Variants in SGCZ observed in about 807,000 individuals in gnomAD.
SGCZ encodes the protein sarcoglycan zeta, also known as zeta-sarcoglycan.
SGCZ carries 40 observed loss-of-function variants against 41.3 expected under a neutral mutation model. The ratio of observed to expected loss-of-function variants is 0.97; its 90% CI spans 0.75 to 1.26. The LOEUF (loss-of-function observed/expected upper bound fraction) is 1.26. Ranked by LOEUF, SGCZ falls within the 50% of genes most tolerant of loss-of-function variation. The probability of loss-of-function intolerance (pLI) is 0.00; values close to 1 mark genes in which losing one functional copy is unlikely to be tolerated. For missense variants in SGCZ, 552 were observed against 369.8 expected (o/e 1.49, Z -4.04); for synonymous variants, 206 against 137.5 (o/e 1.50, Z -3.49).
intron 2 of SGCZ, among the ~76,000 whole-genome samples, chr8:14,386,697 G>C (rs1277892359): frequency 6.6e-6 from 1 of 152,044 alleles, no homozygotes; most frequent in Non-Finnish European, 1.5e-5. Context: ...TTATAGAAAT[G>C]GGCTGCCAGA....
rs530073523 is a variant in SGCZ at position 14,764,780 on chromosome 8, T to C, written c.40-209854A>G. 2.0e-5 allele frequency among the ~76,000 whole-genome samples: 3 copies of C among 152,306 alleles called. No individual in the cohort carries two copies. The South Asian group carries it at 6.2e-4, about 32-fold the overall frequency. On this transcript the variant is annotated intron_variant, in intron 1 of 7. Transcript: ENST00000382080. ...ACTTAAATATGGTCTAAAAATTAAA[T>C]AATATTGAGGCAATGCTACATATTG... is the stretch of plus-strand genomic sequence containing the variant.
intron 1 of SGCZ, among the ~76,000 whole-genome samples, chr8:14,834,139 T>C (rs1216655086): frequency 1.3e-5 from 2 of 152,208 alleles, no homozygotes; most frequent in Non-Finnish European, 2.9e-5. Flanking sequence ...TGATTCTCAC[T>C]ATGTCATTGT....
At chr8:14,770,469 T>A (rs916290782) in intron 1 of SGCZ, among the ~76,000 whole-genome samples, 4 of 151,786 alleles carry the variant, frequency 2.6e-5, no homozygotes, top group Non-Finnish European at 5.9e-5. Flanking sequence ...AACTCATGTA[T>A]GATTGCCATA....
At chr8:14,387,567 G>A (rs1804620129) in intron 2 of SGCZ, among the ~76,000 whole-genome samples, 1 of 151,740 alleles carries the variant, frequency 6.6e-6, no homozygotes, top group Non-Finnish European at 1.5e-5. Context: ...CTGCTTTTAA[G>A]GTTTTTAAAT....
intron 1 of SGCZ, among the ~76,000 whole-genome samples, chr8:14,766,654 C>G (rs1800044189): frequency 6.6e-6 from 1 of 151,760 alleles, no homozygotes; most frequent in Non-Finnish European, 1.5e-5. Flanking sequence ...TTCCACCTCC[C>G]AGGCTCAAGC....
intron 1 of SGCZ, among the ~76,000 whole-genome samples, chr8:14,768,473 C>A (rs953688545): frequency 4.6e-5 from 7 of 152,172 alleles, no homozygotes; most frequent in Admixed American, 6.5e-5. Flanking sequence ...AAAGATTTTA[C>A]AAATTTACTT....
chr8:15,095,604 T>C (rs1049171191), intron 1 of SGCZ, among the ~76,000 whole-genome samples: 13 of 152,134 alleles, frequency 8.5e-5, no homozygotes, highest in African/African-American at 2.7e-4. Context: ...TTTTTTTTTA[T>C]GGAAAAGAAA....
intron 2 of SGCZ, among the ~76,000 whole-genome samples, chr8:14,420,348 A>G (rs1044880840): frequency 6.6e-6 from 1 of 152,072 alleles, no homozygotes; most frequent in East Asian, 1.9e-4. Flanking sequence ...AATTATTGCT[A>G]TTCACAATTG....
At chr8:14,668,981 T>A (rs1301595698) in intron 1 of SGCZ, among the ~76,000 whole-genome samples, 1 of 151,892 alleles carries the variant, frequency 6.6e-6, no homozygotes, top group African/African-American at 2.4e-5. Context: ...TCTACTCTCA[T>A]AGAAAATTTC....
At chr8:15,017,491 C>G (rs1178725045) in intron 1 of SGCZ, among the ~76,000 whole-genome samples, 2 of 152,112 alleles carry the variant, frequency 1.3e-5, no homozygotes, top group Non-Finnish European at 2.9e-5. Flanking sequence ...TAGGTCCAAA[C>G]TGATATTAGC....
chr8:14,985,163 T>C (rs1035765219), intron 1 of SGCZ, among the ~76,000 whole-genome samples: 1 of 152,184 alleles, frequency 6.6e-6, no homozygotes, highest in Non-Finnish European at 1.5e-5. Flanking sequence ...ATGCTTATTG[T>C]TGTCTCCCTT....
intron 1 of SGCZ, among the ~76,000 whole-genome samples, chr8:14,831,971 G>C (rs990944156): frequency 6.6e-6 from 1 of 152,018 alleles, no homozygotes; most frequent in African/African-American, 2.4e-5. Context: ...TAAAAGAATA[G>C]CTGTGTTATG....
chr8:14,252,579 C>G (rs1311790978), intron 3 of SGCZ, among the ~76,000 whole-genome samples: 4 of 152,010 alleles, frequency 2.6e-5, no homozygotes, highest in Non-Finnish European at 5.9e-5. Context: ...CCTAAGGAAC[C>G]AGGATTAAGG....
intron 2 of SGCZ, among the ~76,000 whole-genome samples, chr8:14,369,242 A>G (rs1223251671): frequency 6.6e-6 from 1 of 152,040 alleles, no homozygotes; most frequent in Non-Finnish European, 1.5e-5. Context: ...AATCCAATCT[A>G]TGATCATACA....
At chr8:15,203,976 A>G (rs1471076636) in intron 1 of SGCZ, among the ~76,000 whole-genome samples, 2 of 152,218 alleles carry the variant, frequency 1.3e-5, no homozygotes, top group African/African-American at 4.8e-5. Flanking sequence ...TTATGTAAGA[A>G]ACAATAAAAC....
chr8:14,769,793 T>TAA lies in SGCZ; in HGVS notation c.40-214869_40-214868dup, dbSNP rs565416806. ...CTGGGCGACAAGAGCAAAACACCAT[T>TAA]AAAAAAAAAAAAAAAAAAAAAACCC... On this transcript the variant is annotated intron_variant, in intron 1 of 7. Coordinates refer to ENST00000382080, the MANE Select transcript of SGCZ (RefSeq NM_139167.4). Among the ~76,000 whole-genome samples the TAA allele has an allele frequency of 8.0e-3, 418 of 52,166 alleles. 4 individuals carry two copies. Among genetic ancestry groups the TAA allele is most frequent in the Non-Finnish European group, 0.01 (325 of 31,450 alleles). The allele number at this position is 52,166 out of a possible 152,430, so 34.2% of individuals were successfully genotyped here. A position where few individuals can be genotyped will look rare whatever the true frequency, so the allele number is the denominator to read the frequency against.
At chr8:14,329,674 T>A (rs1382797178) in intron 2 of SGCZ, among the ~76,000 whole-genome samples, 3 of 152,184 alleles carry the variant, frequency 2.0e-5, no homozygotes, top group African/African-American at 7.2e-5. Flanking sequence ...GCTTTCTAAA[T>A]AATCCACTGT....
intron 1 of SGCZ, among the ~76,000 whole-genome samples, chr8:14,818,060 T>C (rs1321310211): frequency 6.6e-6 from 1 of 152,168 alleles, no homozygotes; most frequent in Non-Finnish European, 1.5e-5. Flanking sequence ...CATGAAGCCA[T>C]CCGGCCCTTC....
chr8:14,241,631 T>C (rs1306219713), intron 3 of SGCZ, among the ~76,000 whole-genome samples: 2 of 151,852 alleles, frequency 1.3e-5, no homozygotes, highest in Admixed American at 1.3e-4. Context: ...AAATAAGGTA[T>C]CTCATGGTTT....
Sources: gnomAD v4.1 joint callset for allele counts (sites outside exome capture counted in the v4.1 genomes callset) on GRCh38, gnomAD v4.1.1 for gene constraint, MANE v1.5 for transcripts, NCBI Gene and HGNC (gene_info 2026-07-23, HGNC 2026-07-21) for gene names.